The following ANGPT4 variants were observed in gnomAD, a reference collection of about 807,000 sequenced individuals.
ANGPT4 encodes the protein angiopoietin-4.
Under a neutral mutation model 53.0 loss-of-function variants are expected in ANGPT4, and 50 were observed. The observed-to-expected ratio is 0.94, with a 90% confidence interval of 0.75 to 1.20. The LOEUF (loss-of-function observed/expected upper bound fraction) is 1.20. Among genes scored for constraint, ANGPT4 ranks in the 50% most tolerant of loss-of-function variants. The pLI, the probability that ANGPT4 is intolerant of heterozygous loss-of-function variation, is 0.00. For synonymous variants in ANGPT4, 251 were observed against 259.7 expected (o/e 0.97, Z 0.32); for missense variants, 648 against 637.1 (o/e 1.02, Z -0.18).
At chr20:915,409 A>C (rs181620885) in intron 1 of ANGPT4, among the ~76,000 whole-genome samples, 99 of 152,180 alleles carry the variant, frequency 6.5e-4, no homozygotes, top group Non-Finnish European at 7.8e-4. Flanking sequence ...ACGTTCCCTC[A>C]AATACCTGCC....
chr20:899,814 G>C (rs1003573970), intron 1 of ANGPT4, among the ~76,000 whole-genome samples: 1 of 152,114 alleles, frequency 6.6e-6, no homozygotes, highest in Non-Finnish European at 1.5e-5. Flanking sequence ...CTTCATCCCA[G>C]CCTCTCTTCG....
At chr20:875,280 C>CCCA (rs1981121034) in intron 7 of ANGPT4, among the ~76,000 whole-genome samples, 2 of 152,144 alleles carry the variant, frequency 1.3e-5, no homozygotes, top group African/African-American at 4.8e-5. Flanking sequence ...ATCTGGCAAC[C>CCCA]CCAGCCCCAT....
chr20:891,566 C>T (rs1568840871), intron 1 of ANGPT4, among the ~76,000 whole-genome samples: 1 of 152,322 alleles, frequency 6.6e-6, no homozygotes, highest in East Asian at 1.9e-4. Context: ...ATGCCCCCCA[C>T]CCCTGTCCCT....
At chr20:912,606 G>A (rs1348391425) in intron 1 of ANGPT4, among the ~76,000 whole-genome samples, 6 of 152,178 alleles carry the variant, frequency 3.9e-5, no homozygotes, top group Admixed American at 3.3e-4. Context: ...GGAGCGAGGA[G>A]GAGGAGAGAG....
At chr20:884,708 A>G (rs1327710452) in intron 4 of ANGPT4, among the ~76,000 whole-genome samples, 2 of 152,088 alleles carry the variant, frequency 1.3e-5, no homozygotes, top group Admixed American at 1.3e-4. Flanking sequence ...AGCCAGGAAA[A>G]CTGAGGCCCA....
In ANGPT4 at chr20:873,114, CA is replaced by C; in HGVS notation, c.1357del (p.Trp453GlyfsTer44). 1 of 1,613,624 alleles carries C rather than the reference CA, an allele frequency of 6.2e-7. No individual in the cohort carries two copies. Among genetic ancestry groups the C allele is most frequent in the Non-Finnish European group, 8.5e-7 (1 of 1,179,926 alleles). ...GTTTGACAGGCCACAGGCGTCAAAC[CA>C]CCACCCTGGTGGAAGAGGGAGGACA... The part of the protein sequence containing the change: ...KCAQVMSGGW[W>X]FDACGLSNLN... On this transcript the variant is annotated frameshift_variant, in exon 9 of 9. Transcript: ENST00000381922. LOFTEE classifies it low-confidence loss of function (END_TRUNC).
At chr20:874,157 G>T in intron 8 of ANGPT4, 127 bp downstream of exon 8, 1 of 1,410,716 alleles carries the variant, frequency 7.1e-7, no homozygotes, top group East Asian at 2.4e-5. Context: ...CTTATGGGTG[G>T]GCAAGGCCCA....
rs910774964 is a variant in ANGPT4, at chr20:871,614, C to T, written c.*1346G>A. ...ACCTACCACCACAGAGGCAGCATCA[C>T]TGCTGGATGGGGAAGGGAGGGAGGC... On this transcript the variant is annotated 3_prime_UTR_variant, in exon 9 of 9. Transcript: ENST00000381922. 1.4e-4 allele frequency: 21 copies of T among 152,396 alleles called. No homozygotes were observed. The highest frequency in any genetic ancestry group is 1.1e-3 in the Admixed American group (17 of 15,280). 9.4% of individuals were successfully genotyped at this position (152,396 alleles called of 1,614,324 possible).
chr20:897,074 C>T (rs1982084753), intron 1 of ANGPT4, among the ~76,000 whole-genome samples: 1 of 152,188 alleles, frequency 6.6e-6, no homozygotes, highest in South Asian at 2.1e-4. Context: ...CGCCAGAGAA[C>T]AACCCCCTTT....
Position 888,382 on chromosome 20 carries a change from T to C in ANGPT4, c.523A>G (p.Asn175Asp), listed in dbSNP as rs760990939. 5.0e-6 allele frequency: 8 copies of C among 1,613,786 alleles called. No homozygotes were observed. The highest frequency in any genetic ancestry group is 1.3e-5 in the African/African-American group (1 of 74,940). Residue 175 changes from asparagine (N) to aspartate (D), a missense_variant, in exon 3 of 9, where the codon AAC (asparagine) becomes GAC (aspartate). Coordinates refer to ENST00000381922, the MANE Select transcript of ANGPT4 (RefSeq NM_015985.4). The stretch of plus-strand genomic sequence containing the variant: ...AGCAGCAGCTGGTTCTCCAGCTTGT[T>C]GGTGGACAGAAAGGTCTCTGGCATC... ...AQMPETFLSTNKLENQLLLQR... is the reference protein window; with the variant it reads ...AQMPETFLSTDKLENQLLLQR...
intron 1 of ANGPT4, among the ~76,000 whole-genome samples, chr20:892,288 G>A (rs1056107283): frequency 2.0e-5 from 3 of 152,006 alleles, no homozygotes; most frequent in Non-Finnish European, 2.9e-5. Context: ...ATGATGTTAC[G>A]TTTCACACAT....
rs757828019 is a variant in ANGPT4, at chr20:878,142, G to C, written c.1220+19C>G. 37 of 1,576,020 alleles carry C rather than the reference G, an allele frequency of 2.3e-5. No individual in the cohort carries two copies. Among genetic ancestry groups the C allele is most frequent in the Non-Finnish European group, 3.1e-5 (36 of 1,151,456 alleles). On this transcript the variant is annotated intron_variant, in intron 7 of 8. Coordinates refer to ENST00000381922, the MANE Select transcript of ANGPT4 (RefSeq NM_015985.4). ...GCTGAAGACCCCAGCCCCCACAACGGCCTGGGCCCCGAACCCACCTGTATA... is the reference window on the plus strand; with the variant it reads ...GCTGAAGACCCCAGCCCCCACAACGCCCTGGGCCCCGAACCCACCTGTATA...
rs533733299 is a variant in ANGPT4, at chr20:891,908, A to C, written c.310-1540T>G. 2.5e-3 allele frequency among the ~76,000 whole-genome samples: 379 copies of C among 152,222 alleles called. 2 individuals carry two copies. Among genetic ancestry groups the C allele is most frequent in the Non-Finnish European group, 4.4e-3 (301 of 68,000 alleles). On this transcript the variant is annotated intron_variant, in intron 1 of 8. Transcript: ENST00000381922. The stretch of plus-strand genomic sequence containing the variant: ...GAGCTCATTAAAAATGTGAATTTCC[A>C]GGTCCCACCGCAGACCTCCTGAACC...
intron 1 of ANGPT4, among the ~76,000 whole-genome samples, chr20:912,503 C>T (rs1982742691): frequency 6.6e-6 from 1 of 152,216 alleles, no homozygotes; most frequent in Non-Finnish European, 1.5e-5. Context: ...TGCAGCTTCT[C>T]ATCCATATGA....
chr20:889,026 C>T (rs577353326), intron 2 of ANGPT4, among the ~76,000 whole-genome samples: 7 of 152,196 alleles, frequency 4.6e-5, no homozygotes, highest in African/African-American at 1.7e-4. Flanking sequence ...TCCTGATGTT[C>T]TTGAACCTGC....
intron 2 of ANGPT4, among the ~76,000 whole-genome samples, chr20:888,753 C>A (rs56011438): frequency 0.14 from 21,806 of 152,222 alleles, 1,822 homozygotes; most frequent in East Asian, 0.45. Context: ...TGGCCCCTGA[C>A]CACCTCTCTC....
intron 1 of ANGPT4, among the ~76,000 whole-genome samples, chr20:892,894 A>G (rs1007165213): frequency 2.0e-5 from 3 of 152,114 alleles, no homozygotes; most frequent in African/African-American, 7.2e-5. Flanking sequence ...CCCTCAAGGG[A>G]CACTCCATCT....
intron 1 of ANGPT4, among the ~76,000 whole-genome samples, chr20:913,069 C>A (rs1345131390): frequency 6.6e-6 from 1 of 152,060 alleles, no homozygotes; most frequent in African/African-American, 2.4e-5. Context: ...AAGGATCTCC[C>A]CTGTGTCTGT....
chr20:878,125 C>A, intron 7 of ANGPT4, 36 bp downstream of exon 7: 1 of 1,565,204 alleles, frequency 6.4e-7, no homozygotes, highest in Non-Finnish European at 8.7e-7. Flanking sequence ...TAGCTGAAGA[C>A]CCCAGCCCCC....
Sources: allele counts gnomAD v4.1 joint callset (sites outside exome capture counted in the v4.1 genomes callset), GRCh38; gene constraint gnomAD v4.1.1; transcripts MANE v1.5; gene names NCBI Gene and HGNC (gene_info 2026-07-23, HGNC 2026-07-21).